Variants in NPSR1 observed in about 807,000 individuals in gnomAD.
The protein encoded by NPSR1 is neuropeptide S receptor 1.
In NPSR1, 48 loss-of-function variants were observed where a neutral mutation model predicts 46.9. That is an observed-to-expected ratio of 1.02 (90% CI 0.81 to 1.30). The LOEUF (loss-of-function observed/expected upper bound fraction) is 1.30, where lower values mean the gene tolerates loss of function less well. Among genes scored for constraint, NPSR1 ranks in the 50% most tolerant of loss-of-function variants. The pLI is 0.00. For synonymous variants in NPSR1, 176 were observed against 168.1 expected (o/e 1.05, Z -0.36); for missense variants, 450 against 449.5 (o/e 1.00, Z -0.01).
At chr7:34,705,506 A>C (rs1364146085) in intron 2 of NPSR1, among the ~76,000 whole-genome samples, 2 of 150,622 alleles carry the variant, frequency 1.3e-5, no homozygotes, top group African/African-American at 2.4e-5. Flanking sequence ...ATTTTTGATC[A>C]ATGTTTGTTT....
chr7:34,869,864 A>G (rs1791409546), intron 8 of NPSR1, among the ~76,000 whole-genome samples: 2 of 151,814 alleles, frequency 1.3e-5, no homozygotes, highest in African/African-American at 4.9e-5. Flanking sequence ...AAGGGTGCAC[A>G]TCTCTTCCCT....
chr7:34,763,681 G>A (rs1175047880), intron 2 of NPSR1, among the ~76,000 whole-genome samples: 1 of 152,268 alleles, frequency 6.6e-6, no homozygotes, highest in East Asian at 1.9e-4. Flanking sequence ...AGGTAGAGGT[G>A]TATAAAGAGC....
chr7:34,738,859 G>A (rs1784806350), intron 2 of NPSR1, among the ~76,000 whole-genome samples: 1 of 152,030 alleles, frequency 6.6e-6, no homozygotes, highest in Non-Finnish European at 1.5e-5. Flanking sequence ...AAACCCAAAA[G>A]GAAACTTAAT....
intron 3 of NPSR1, among the ~76,000 whole-genome samples, chr7:34,792,599 A>G (rs113165927): frequency 8.2e-5 from 11 of 133,764 alleles, no homozygotes; most frequent in Admixed American, 4.0e-4. Context: ...ATACGTATAT[A>G]TGTGTGTGTA....
intron 3 of NPSR1, among the ~76,000 whole-genome samples, chr7:34,786,407 C>T (rs998148425): frequency 1.3e-5 from 2 of 152,122 alleles, no homozygotes; most frequent in African/African-American, 4.8e-5. Flanking sequence ...TTTCGCAGTA[C>T]CTTTCTCCAG....
At chr7:34,720,327 C>CT (rs1286340238) in intron 2 of NPSR1, among the ~76,000 whole-genome samples, 1 of 151,762 alleles carries the variant, frequency 6.6e-6, no homozygotes, top group African/African-American at 2.4e-5. Context: ...GCATGGAGCC[C>CT]TGTGTGTCAG....
At chr7:34,704,568 T>G (rs1451106816) in intron 2 of NPSR1, among the ~76,000 whole-genome samples, 1 of 152,194 alleles carries the variant, frequency 6.6e-6, no homozygotes, top group East Asian at 1.9e-4. Context: ...AAGACACAAT[T>G]TATTGCTGTG....
chr7:34,818,728 C>T (rs371506158), intron 4 of NPSR1, among the ~76,000 whole-genome samples: 4 of 152,090 alleles, frequency 2.6e-5, no homozygotes, highest in East Asian at 1.9e-4. Flanking sequence ...GAGATATAGA[C>T]CAATGGAACA....
At chr7:34,671,746 T>C (rs892544164) in intron 1 of NPSR1, among the ~76,000 whole-genome samples, 1 of 152,192 alleles carries the variant, frequency 6.6e-6, no homozygotes, top group Admixed American at 6.5e-5. Context: ...CCTCCCCTAC[T>C]GTTCTCATCT....
intron 3 of NPSR1, among the ~76,000 whole-genome samples, chr7:34,809,460 ATTT>A (rs1157591101): frequency 1.8e-4 from 20 of 110,812 alleles, no homozygotes; most frequent in African/African-American, 2.5e-4. Context: ...TCACCCAGGT[ATTT>A]TTTTTTTTTT....
intron 1 of NPSR1, among the ~76,000 whole-genome samples, chr7:34,669,092 C>T (rs909398672): frequency 2.0e-5 from 3 of 152,182 alleles, no homozygotes; most frequent in South Asian, 4.1e-4. Context: ...CCAGATAAGG[C>T]GCATGCTCTT....
chr7:34,778,523 C>T lies in NPSR1; in HGVS notation c.342C>T (p.Phe114=), dbSNP rs1230310356. The T allele has an allele frequency of 6.2e-7, 1 of 1,612,870 alleles. No homozygotes were observed. The highest frequency in any genetic ancestry group is 8.5e-7 in the Non-Finnish European group (1 of 1,179,308). The change falls in exon 3 of 9, where the codon TTC becomes TTT. Residue 114 remains phenylalanine (F), a synonymous_variant. Coordinates refer to ENST00000360581, the MANE Select transcript of NPSR1 (RefSeq NM_207172.2). ...TTAATTGGCGATTCACTGGAGACTT[C>T]ACGGCACCTGACCTGGTTTGCCGAG... ...TDINWRFTGD[F]TAPDLVCRVV...
chr7:34,790,967 A>ATATATGTTATATGTTATATTATATATGT (rs1584028655), intron 3 of NPSR1, among the ~76,000 whole-genome samples: 13 of 75,038 alleles, frequency 1.7e-4, no homozygotes, highest in Admixed American at 2.9e-4. Context: ...ATGTTATATT[A>ATATATGTTATATGTTATATTATATATGT]TATATGTTAT....
chr7:34,743,732 C>G (rs967924580), intron 2 of NPSR1, among the ~76,000 whole-genome samples: 4 of 152,130 alleles, frequency 2.6e-5, no homozygotes, highest in African/African-American at 7.2e-5. Context: ...TCATTATGAT[C>G]AACAAATCTA....
At chr7:34,768,984 G>A (rs1248473134) in intron 2 of NPSR1, among the ~76,000 whole-genome samples, 1 of 152,080 alleles carries the variant, frequency 6.6e-6, no homozygotes, top group African/African-American at 2.4e-5. Flanking sequence ...GGAGAGAGGA[G>A]GATAGGATCA....
rs577105292 is a variant in NPSR1, at chr7:34,869,005, T to C, written c.1026-9071T>C. On this transcript the variant is annotated intron_variant, in intron 8 of 8. Transcript: ENST00000359791. ...CCTGAGGACCTGCCCCTTGCTGTCT[T>C]TCATTGCACCTACTGTTTCTATCAT... is the stretch of plus-strand genomic sequence containing the variant. Among the ~76,000 whole-genome samples, 66 of 151,784 alleles carry C rather than the reference T, an allele frequency of 4.3e-4. 4 individuals are homozygous for C. The highest frequency in any genetic ancestry group is 1.4e-3 in the African/African-American group (56 of 41,098).
intron 1 of NPSR1, among the ~76,000 whole-genome samples, chr7:34,671,906 G>C (rs964880841): frequency 6.6e-6 from 1 of 152,160 alleles, no homozygotes; most frequent in Non-Finnish European, 1.5e-5. Context: ...CCCTCCAGGG[G>C]AAAGTTTCTC....
chr7:34,721,632 A>G (rs35302539), intron 2 of NPSR1, among the ~76,000 whole-genome samples: 31 of 152,382 alleles, frequency 2.0e-4, no homozygotes, highest in African/African-American at 7.0e-4. Context: ...TTATGTATTT[A>G]TAATATGCAC....
At chr7:34,694,889 T>C (rs201557841) in intron 2 of NPSR1, among the ~76,000 whole-genome samples, 1 of 152,156 alleles carries the variant, frequency 6.6e-6, no homozygotes, top group Non-Finnish European at 1.5e-5. Context: ...TTTGTATTTT[T>C]AGTAGAGACG....
Sources: allele counts gnomAD v4.1 joint callset (sites outside exome capture counted in the v4.1 genomes callset), GRCh38; gene constraint gnomAD v4.1.1; transcripts MANE v1.5; gene names NCBI Gene and HGNC (gene_info 2026-07-23, HGNC 2026-07-21).